GRM5: variants seen among roughly 807,000 people sequenced by gnomAD.
GRM5 encodes metabotropic glutamate receptor 5.
In GRM5, 19 loss-of-function variants were observed where a neutral mutation model predicts 83.1. The ratio of observed to expected loss-of-function variants is 0.23; its 90% CI spans 0.16 to 0.34. The LOEUF is 0.34. Among genes scored for constraint, GRM5 ranks in the 10% least tolerant of loss-of-function variants. GRM5 has a pLI of 1.00. For synonymous variants in GRM5, 675 were observed against 633.6 expected (o/e 1.07, Z -0.98); for missense variants, 1,160 against 1,588.3 (o/e 0.73, Z 4.58).
intron 2 of GRM5, among the ~76,000 whole-genome samples, chr11:88,942,275 A>G (rs1668379113): frequency 6.6e-6 from 1 of 152,094 alleles, no homozygotes; most frequent in South Asian, 2.1e-4. Context: ...TGTATTTTCA[A>G]ATGATTTGGC....
intron 9 of GRM5, among the ~76,000 whole-genome samples, chr11:88,518,894 T>TA (rs540251276): frequency 3.1e-4 from 47 of 151,204 alleles, no homozygotes; most frequent in African/African-American, 1.1e-3. Flanking sequence ...TCCAGGCACT[T>TA]TTATTGAGTG....
chr11:88,738,852 T>C (rs1276199529), intron 3 of GRM5, among the ~76,000 whole-genome samples: 1 of 152,024 alleles, frequency 6.6e-6, no homozygotes, highest in Non-Finnish European at 1.5e-5. Flanking sequence ...TACCCAATGC[T>C]CCAGTCCTGA....
intron 3 of GRM5, among the ~76,000 whole-genome samples, chr11:88,734,488 C>A (rs1342089064): frequency 1.3e-5 from 2 of 151,964 alleles, no homozygotes; most frequent in Non-Finnish European, 2.9e-5. Context: ...CTCAAAGAGA[C>A]CCACCCTCCC....
At chr11:88,537,497 A>G (rs1942163320) in intron 8 of GRM5, among the ~76,000 whole-genome samples, 1 of 152,198 alleles carries the variant, frequency 6.6e-6, no homozygotes, top group Non-Finnish European at 1.5e-5. Flanking sequence ...GAGCTGAAGG[A>G]AAGCCCAAGT....
At position 88,508,902 on chromosome 11, in the gene GRM5, G is replaced by A. The variant is rs1857232787; in HGVS notation, c.3329C>T (p.Thr1110Met). Reference sequence around the variant, plus strand: ...CAGAGGCTGGATTTCGGCAAAGGTCGTCATGGTCGTGGGCAACTGGATCTC... The same window carrying A: ...CAGAGGCTGGATTTCGGCAAAGGTCATCATGGTCGTGGGCAACTGGATCTC... Reference protein sequence around the residue: ...PKEIQLPTTMTTFAEIQPLPA... With the variant: ...PKEIQLPTTMMTFAEIQPLPA... Residue 1110 changes from threonine (T) to methionine (M), a missense_variant, in exon 10 of 10, where the codon ACG becomes ATG. Around this residue, in one of 9 missense-constraint regions of GRM5, gnomAD observed 562 missense variants for 532.4 expected, o/e 1.06. Transcript: ENST00000305447. This position sits in a 1 kb window ranked among gnomAD's most constrained non-coding sequence, Gnocchi z 4.2. 1.9e-6 allele frequency: 3 copies of A among 1,599,622 alleles called. No homozygotes were observed. Among genetic ancestry groups the A allele is most frequent in the Middle Eastern group, 1.7e-4 (1 of 6,038 alleles).
chr11:88,685,045 G>A (rs1051217964), intron 3 of GRM5, among the ~76,000 whole-genome samples: 1 of 152,132 alleles, frequency 6.6e-6, no homozygotes, highest in African/African-American at 2.4e-5. Context: ...TGGGTAACAG[G>A]CAAAAGTTCG....
At chr11:88,991,154 C>T (rs1047255765) in intron 2 of GRM5, among the ~76,000 whole-genome samples, 1 of 152,162 alleles carries the variant, frequency 6.6e-6, no homozygotes, top group African/African-American at 2.4e-5. Flanking sequence ...TGATAAGCAA[C>T]TTCAGCAAAG....
intron 3 of GRM5, among the ~76,000 whole-genome samples, chr11:88,802,598 G>T (rs1943418500): frequency 1.3e-5 from 2 of 152,086 alleles, no homozygotes. Flanking sequence ...GGCAAAAATT[G>T]GAAGCATTCC....
intron 2 of GRM5, among the ~76,000 whole-genome samples, chr11:88,954,890 C>T (rs987163039): frequency 1.3e-5 from 2 of 152,160 alleles, no homozygotes; most frequent in African/African-American, 4.8e-5. Flanking sequence ...TGTAGAAAGG[C>T]TTCAATGGCA....
At position 88,893,541 on chromosome 11, in the gene GRM5, G is replaced by A. The variant is rs182778592; in HGVS notation, c.662-43386C>T. On this transcript the variant is annotated intron_variant, in intron 2 of 9. Transcript: ENST00000305447. ...ATACTTACAGGAAAGATTTAGCCAA[G>A]GTTAACACTAAAGTTACTCTAGCTA... is the stretch of plus-strand genomic sequence containing the variant. Among the ~76,000 whole-genome samples, 10 of 152,094 alleles carry A rather than the reference G, an allele frequency of 6.6e-5. No individual in the cohort carries two copies. In the East Asian group the frequency reaches 1.7e-3, roughly 26 times the overall value.
At chr11:88,911,029 G>A (rs530584357) in intron 2 of GRM5, among the ~76,000 whole-genome samples, 24 of 152,040 alleles carry the variant, frequency 1.6e-4, no homozygotes, top group South Asian at 1.5e-3. Context: ...AAGCGAATGC[G>A]TCCAGTCATG....
intron 5 of GRM5, among the ~76,000 whole-genome samples, chr11:88,601,268 C>A (rs533834693): frequency 3.7e-4 from 56 of 152,252 alleles, no homozygotes; most frequent in African/African-American, 1.3e-3. Context: ...CAAGAATCCG[C>A]ATGCACACAA....
intron 3 of GRM5, among the ~76,000 whole-genome samples, chr11:88,720,556 A>G (rs1238515850): frequency 6.6e-6 from 1 of 152,038 alleles, no homozygotes; most frequent in African/African-American, 2.4e-5. Context: ...CCCACAAATC[A>G]TAGTCAAAAC....
At chr11:88,520,195 C>T (rs1214989878) in intron 9 of GRM5, among the ~76,000 whole-genome samples, 1 of 152,082 alleles carries the variant, frequency 6.6e-6, no homozygotes, top group Non-Finnish European at 1.5e-5. Context: ...GTGTGGGATA[C>T]ATGGTAATCA....
At chr11:88,956,557 A>C (rs1343062993) in intron 2 of GRM5, among the ~76,000 whole-genome samples, 1 of 152,204 alleles carries the variant, frequency 6.6e-6, no homozygotes, top group Non-Finnish European at 1.5e-5. Flanking sequence ...CTGTAAACCC[A>C]GCACTTTCGG....
intron 1 of GRM5, among the ~76,000 whole-genome samples, chr11:89,054,462 C>A (rs982875445): frequency 6.6e-6 from 1 of 152,076 alleles, no homozygotes; most frequent in Non-Finnish European, 1.5e-5. Context: ...AAGAAGAGAT[C>A]ATTGAATGAG....
chr11:89,056,925 A>G (rs1941889307), intron 1 of GRM5, among the ~76,000 whole-genome samples: 1 of 152,172 alleles, frequency 6.6e-6, no homozygotes, highest in Non-Finnish European at 1.5e-5. Flanking sequence ...ATACAAAAGT[A>G]TTTCACATCA....
intron 8 of GRM5, among the ~76,000 whole-genome samples, chr11:88,558,525 G>A (rs1310432500): frequency 6.6e-6 from 1 of 152,046 alleles, no homozygotes; most frequent in Admixed American, 6.6e-5. Flanking sequence ...TTTGTTCTAA[G>A]GGGAGAGAGT....
chr11:88,510,401 C>T (rs544304035), intron 9 of GRM5, among the ~76,000 whole-genome samples: 3 of 152,342 alleles, frequency 2.0e-5, no homozygotes, highest in South Asian at 2.1e-4. Context: ...TCAGCCTCAG[C>T]GCCCTAGTAC....
Sources: gnomAD v4.1 joint callset for allele counts (sites outside exome capture counted in the v4.1 genomes callset) on GRCh38, gnomAD v4.1.1 for gene constraint, gnomAD v4.1.1 regional missense constraint, Gnocchi (gnomAD v3.1) non-coding constraint, MANE v1.5 for transcripts, NCBI Gene and HGNC (gene_info 2026-07-23, HGNC 2026-07-21) for gene names.